The following RDX variants were observed in gnomAD, a reference collection of about 807,000 sequenced individuals.
RDX encodes deafness, autosomal recessive 24.
RDX carries 32 observed loss-of-function variants against 83.7 expected under a neutral mutation model. The ratio of observed to expected loss-of-function variants is 0.38; its 90% confidence interval spans 0.29 to 0.51. The LOEUF is 0.51. RDX is among the 20% of genes least tolerant of loss of function. The pLI is 0.87. For synonymous variants in RDX, 229 were observed against 222.7 expected (o/e 1.03, Z -0.25); for missense variants, 600 against 689.9 (o/e 0.87, Z 1.46).
chr11:110,241,870 T>C (rs532792386), intron 10 of RDX, among the ~76,000 whole-genome samples: 2 of 152,304 alleles, frequency 1.3e-5, no homozygotes, highest in South Asian at 2.1e-4. Context: ...AATTCTGACA[T>C]ATGCTACAAC....
intron 7 of RDX, among the ~76,000 whole-genome samples, chr11:110,256,547 A>C (rs1210671692): frequency 6.6e-6 from 1 of 152,186 alleles, no homozygotes; most frequent in Non-Finnish European, 1.5e-5. Context: ...ATTTAAAAAA[A>C]TTGCTCCAAT....
chr11:110,218,113 C>T, intron 14 of RDX, among the ~76,000 whole-genome samples: 1 of 152,142 alleles, frequency 6.6e-6, no homozygotes, highest in East Asian at 1.9e-4. Flanking sequence ...GTGACTTGAG[C>T]AGGGGTATGG....
intron 14 of RDX, among the ~76,000 whole-genome samples, chr11:110,202,917 C>T (rs142035534): frequency 1.2e-4 from 18 of 152,100 alleles, no homozygotes; most frequent in East Asian, 5.8e-4. Context: ...AAAAGGGAAC[C>T]TTTGTACACT....
chr11:110,267,773 T>C (rs1860117841), intron 3 of RDX, among the ~76,000 whole-genome samples: 1 of 149,076 alleles, frequency 6.7e-6, no homozygotes, highest in Non-Finnish European at 1.5e-5. Context: ...CTGGGCAATG[T>C]AGGGAGACCT....
At chr11:110,196,393 C>T (rs765342170) in intron 15 of RDX, among the ~76,000 whole-genome samples, 2 of 152,026 alleles carry the variant, frequency 1.3e-5, no homozygotes, top group East Asian at 1.9e-4. Context: ...AATAAAGGTG[C>T]GTCCACAAAC....
chr11:110,286,948 A>G (rs1378816973), intron 1 of RDX: 1 of 152,260 alleles, frequency 6.6e-6, no homozygotes, highest in Non-Finnish European at 1.5e-5. Flanking sequence ...GAAAATTACA[A>G]AAGAAACCAA....
intron 14 of RDX, among the ~76,000 whole-genome samples, chr11:110,219,406 G>A (rs1403435163): frequency 1.3e-5 from 2 of 152,168 alleles, no homozygotes; most frequent in Non-Finnish European, 1.5e-5. Flanking sequence ...GGAAACCTCC[G>A]AAGGATTTTG....
chr11:110,295,975 A>C (rs1191702495), intron 1 of RDX, among the ~76,000 whole-genome samples: 1 of 152,232 alleles, frequency 6.6e-6, no homozygotes, highest in Non-Finnish European at 1.5e-5. Context: ...CCCTCCTTTC[A>C]AACTGGAGGC....
At chr11:110,285,343 C>A (rs1293752944) in intron 1 of RDX, among the ~76,000 whole-genome samples, 1 of 152,042 alleles carries the variant, frequency 6.6e-6, no homozygotes, top group Non-Finnish European at 1.5e-5. Context: ...CAAGATCGCG[C>A]CACTGCACTC....
intron 9 of RDX, 27 bp from the exon 10 acceptor site, chr11:110,247,860 CAAATT>C: frequency 6.5e-7 from 1 of 1,538,270 alleles, no homozygotes; most frequent in Non-Finnish European, 8.7e-7. Context: ...ATTGCTGTTA[CAAATT>C]AATACACAAA....
chr11:110,209,135 C>G (rs1316686225), intron 14 of RDX, among the ~76,000 whole-genome samples: 1 of 152,156 alleles, frequency 6.6e-6, no homozygotes. Flanking sequence ...ATGCGCGCAC[C>G]GTGCGCGAGC....
In RDX at chr11:110,257,791, A is replaced by G. The variant is rs1417549341; in HGVS notation, c.674T>C (p.Leu225Pro). 1 of 1,611,956 alleles carries G rather than the reference A, an allele frequency of 6.2e-7. No homozygotes were observed. Among genetic ancestry groups the G allele is most frequent in the Admixed American group, 1.7e-5 (1 of 60,016 alleles). ...CTTGTCGTCATGCTCATAAATATTC[A>G]GACCCAAAGCATCAACACCTAGCCA... Reference protein sequence around the residue: ...ELWLGVDALGLNIYEHDDKLT... With the variant: ...ELWLGVDALGPNIYEHDDKLT... Residue 225 changes from leucine (L) to proline (P), a missense_variant, in exon 7 of 14, where the codon CTG (leucine) becomes CCG (proline). Leu to Pro is a moderately conservative substitution (Grantham distance 98, BLOSUM62 -3). Transcript: ENST00000645495.
chr11:110,244,246 C>T (rs1865213584), intron 10 of RDX, among the ~76,000 whole-genome samples: 1 of 151,278 alleles, frequency 6.6e-6, no homozygotes. Flanking sequence ...CCTGTAATCC[C>T]AGCTACTCAG....
Position 110,230,589 on chromosome 11 carries a change from C to CAA in RDX, c.*1279_*1280insTT, listed in dbSNP as rs1864592744. 1 of 151,526 alleles carries CAA rather than the reference C, an allele frequency of 6.6e-6. No homozygotes were observed. The highest frequency in any genetic ancestry group is 1.5e-5 in the Non-Finnish European group (1 of 67,882). 9.4% of individuals were successfully genotyped at this position (151,526 alleles called of 1,614,324 possible). On this transcript the variant is annotated 3_prime_UTR_variant, in exon 14 of 14. Transcript: ENST00000645495. The stretch of plus-strand genomic sequence containing the variant: ...CATACACACACAGAGTACACACACA[C>CAA]ACACACACACACACACACACAGTCT...
chr11:110,265,477 CA>C (rs1351856642), intron 3 of RDX, among the ~76,000 whole-genome samples: 1 of 147,804 alleles, frequency 6.8e-6, no homozygotes, highest in Non-Finnish European at 1.5e-5. Flanking sequence ...ATCATGACCT[CA>C]ACAATAACAA....
chr11:110,276,447 G>C (rs1224945887), intron 2 of RDX, among the ~76,000 whole-genome samples: 3 of 152,000 alleles, frequency 2.0e-5, no homozygotes, highest in African/African-American at 7.3e-5. Context: ...TTATTCTTCA[G>C]AACTATTTTG....
chr11:110,175,530 A>G (rs1862756866), intron 15 of RDX, among the ~76,000 whole-genome samples: 1 of 152,224 alleles, frequency 6.6e-6, no homozygotes, highest in South Asian at 2.1e-4. Flanking sequence ...AATGGCAAGT[A>G]CAATGTTTAA....
chr11:110,272,611 T>TA lies in RDX; in HGVS notation c.20dup (p.Arg8LysfsTer8), dbSNP rs1565327735. ...GCTCAGCATCCATTGTAGTTACTCT[T>TA]ACGTTGATCTGTAATAAAAATAAAA... On this transcript the variant is annotated frameshift_variant, in exon 3 of 14. Coordinates refer to ENST00000645495, the MANE Select transcript of RDX (RefSeq NM_002906.4). LOFTEE classifies it high-confidence loss of function. 1 of 1,607,668 alleles carries TA rather than the reference T, an allele frequency of 6.2e-7. No homozygotes were observed. The highest frequency in any genetic ancestry group is 8.5e-7 in the Non-Finnish European group (1 of 1,175,624).
intron 1 of RDX, chr11:110,288,386 T>C (rs1220346158): frequency 3.3e-5 from 5 of 152,306 alleles, no homozygotes; most frequent in South Asian, 2.1e-4. Context: ...TATTAAATAC[T>C]AAAAGGTAAG....
Sources: gnomAD v4.1 joint callset for allele counts (sites outside exome capture counted in the v4.1 genomes callset) on GRCh38, gnomAD v4.1.1 for gene constraint, MANE v1.5 for transcripts, NCBI Gene and HGNC (gene_info 2026-07-23, HGNC 2026-07-21) for gene names.